The following MTFR1 variants were observed in gnomAD, a reference collection of about 807,000 sequenced individuals.
The protein encoded by MTFR1 is chondrocyte protein with a poly-proline region.
MTFR1 carries 28 observed loss-of-function variants against 38.8 expected under a neutral mutation model. That is an observed-to-expected ratio of 0.72 (90% confidence interval 0.53 to 0.99). The LOEUF (loss-of-function observed/expected upper bound fraction) is 0.99. Among genes scored for constraint, MTFR1 ranks in the 50% least tolerant of loss-of-function variants. The pLI, the probability that MTFR1 is intolerant of heterozygous loss-of-function variation, is 0.00. For missense variants in MTFR1, 358 were observed against 395.5 expected, an observed-to-expected ratio of 0.91 and a Z score of 0.81; for synonymous variants, 145 against 137.0, an observed-to-expected ratio of 1.06 and a Z score of -0.41.
intron 5 of MTFR1, among the ~76,000 whole-genome samples, chr8:65,705,490 T>TTGCTATATAGTGGA (rs1805757714): frequency 6.6e-6 from 1 of 152,212 alleles, no homozygotes; most frequent in African/African-American, 2.4e-5. Flanking sequence ...TACAGTTGAA[T>TTGCTATATAGTGGA]TGCTATATAG....
chr8:65,766,191 C>T (rs1044848601), intron 3 of MTFR1, among the ~76,000 whole-genome samples: 17 of 152,336 alleles, frequency 1.1e-4, no homozygotes, highest in African/African-American at 3.8e-4. Context: ...GGTGATCCAC[C>T]CGCCTTGGCC....
At chr8:65,775,300 T>A (rs73240791), downstream of MTFR1, among the ~76,000 whole-genome samples, 182 of 152,348 alleles carry the variant, frequency 1.2e-3, no homozygotes, top group African/African-American at 4.1e-3. Flanking sequence ...CTTTAACAAC[T>A]ACTTTATCTT....
At chr8:65,664,954 T>TTTG (rs1804337589) in intron 1 of MTFR1, among the ~76,000 whole-genome samples, 3 of 140,332 alleles carry the variant, frequency 2.1e-5, no homozygotes, top group Admixed American at 7.3e-5. Context: ...TTTTTTTTTT[T>TTTG]AGACAGAGTC....
downstream of MTFR1, among the ~76,000 whole-genome samples, chr8:65,714,944 G>A (rs1413548996): frequency 6.6e-6 from 1 of 152,088 alleles, no homozygotes; most frequent in Non-Finnish European, 1.5e-5. Context: ...CACATTTACA[G>A]TGAGTACAAA....
intron 4 of MTFR1, among the ~76,000 whole-genome samples, chr8:65,702,712 G>T (rs1340696478): frequency 6.6e-6 from 1 of 152,058 alleles, no homozygotes; most frequent in Non-Finnish European, 1.5e-5. Flanking sequence ...TGGGAATAGG[G>T]CACATCTAAT....
At chr8:65,706,711 T>C (rs1173406510) in intron 5 of MTFR1, among the ~76,000 whole-genome samples, 1 of 152,246 alleles carries the variant, frequency 6.6e-6, no homozygotes, top group Non-Finnish European at 1.5e-5. Flanking sequence ...TATATTTCTG[T>C]TAAAAGTGAT....
intron 3 of MTFR1, among the ~76,000 whole-genome samples, chr8:65,743,246 T>C (rs1219924904): frequency 6.6e-6 from 1 of 152,166 alleles, no homozygotes; most frequent in Non-Finnish European, 1.5e-5. Context: ...GGAATTTCCC[T>C]GAGCAAGAAG....
downstream of MTFR1, among the ~76,000 whole-genome samples, chr8:65,774,940 A>T (rs905522663): frequency 1.3e-5 from 2 of 152,226 alleles, no homozygotes; most frequent in African/African-American, 4.8e-5. Flanking sequence ...ATAACATCTT[A>T]GTATTACGAT....
intron 3 of MTFR1, among the ~76,000 whole-genome samples, chr8:65,728,991 C>T (rs1806722553): frequency 6.6e-6 from 1 of 151,684 alleles, no homozygotes; most frequent in African/African-American, 2.4e-5. Flanking sequence ...AAAAATGTAA[C>T]ATTTCTGCTT....
intron 3 of MTFR1, chr8:65,747,772 T>C (rs1295829543): frequency 3.7e-6 from 6 of 1,610,002 alleles, no homozygotes; most frequent in South Asian, 2.2e-5. Flanking sequence ...TGATATTCCT[T>C]GCAGAGACAG....
intron 1 of MTFR1, among the ~76,000 whole-genome samples, chr8:65,667,765 T>G (rs1001227576): frequency 6.6e-6 from 1 of 152,202 alleles, no homozygotes; most frequent in Non-Finnish European, 1.5e-5. Flanking sequence ...TTCTACCATA[T>G]TGAGTCAAAC....
chr8:65,730,121 C>T (rs1806793077), intron 3 of MTFR1, among the ~76,000 whole-genome samples: 1 of 147,872 alleles, frequency 6.8e-6, no homozygotes, highest in African/African-American at 2.5e-5. Context: ...CTCATAGGAG[C>T]ACAAACCCTA....
At chr8:65,739,669 C>T in intron 3 of MTFR1, 1 of 1,293,514 alleles carries the variant, frequency 7.7e-7, no homozygotes, top group Non-Finnish European at 1.0e-6. Flanking sequence ...CTTTGAAATA[C>T]AGATTTTGAA....
At chr8:65,666,322 C>T (rs1804381657) in intron 1 of MTFR1, among the ~76,000 whole-genome samples, 1 of 152,208 alleles carries the variant, frequency 6.6e-6, no homozygotes, top group Non-Finnish European at 1.5e-5. Flanking sequence ...ACGAGAATCA[C>T]TTGAACCTGG....
intron 2 of MTFR1, among the ~76,000 whole-genome samples, chr8:65,675,402 T>C (rs1337323013): frequency 6.6e-6 from 1 of 152,200 alleles, no homozygotes; most frequent in African/African-American, 2.4e-5. Context: ...GAGACCATCC[T>C]GGCTAACACG....
At chr8:65,682,970 G>A in intron 3 of MTFR1, 1 of 966,418 alleles carries the variant, frequency 1.0e-6, no homozygotes, top group Non-Finnish European at 1.2e-6. Flanking sequence ...GCAGTGAGGT[G>A]ATAGTCAAAC....
chr8:65,655,676 G>T (rs1036806253), intron 1 of MTFR1, among the ~76,000 whole-genome samples: 2 of 151,784 alleles, frequency 1.3e-5, no homozygotes, highest in Non-Finnish European at 2.9e-5. Context: ...GGGTCAAGGT[G>T]CAGTGGCTAA....
intron 4 of MTFR1, among the ~76,000 whole-genome samples, chr8:65,698,204 A>C (rs1805503545): frequency 6.8e-6 from 1 of 146,894 alleles, no homozygotes; most frequent in Admixed American, 7.0e-5. Flanking sequence ...GCTGGAGTGC[A>C]GTGGCATGAT....
At chr8:65,686,193 A>C (rs903336383) in intron 3 of MTFR1, among the ~76,000 whole-genome samples, 1 of 152,186 alleles carries the variant, frequency 6.6e-6, no homozygotes. Context: ...TATGATGTTC[A>C]TTTTTTATTT....
Sources: gnomAD v4.1 joint callset for allele counts (sites outside exome capture counted in the v4.1 genomes callset) on GRCh38, gnomAD v4.1.1 for gene constraint, MANE v1.5 for transcripts, NCBI Gene and HGNC (gene_info 2026-07-23, HGNC 2026-07-21) for gene names.